CDT1: variants seen among roughly 807,000 people sequenced by gnomAD.
CDT1 encodes the protein DNA replication factor Cdt1.
Under a neutral mutation model 49.3 loss-of-function variants are expected in CDT1, and 66 were observed. That is an observed-to-expected ratio of 1.34 (90% confidence interval 1.10 to 1.64). The LOEUF is 1.64. CDT1 is among the 40% of genes most tolerant of loss of function. The pLI, the probability that CDT1 is intolerant of heterozygous loss-of-function variation, is 0.00. For synonymous variants in CDT1, 424 were observed against 347.4 expected (o/e 1.22, Z -2.45); for missense variants, 958 against 807.7 (o/e 1.19, Z -2.26).
At chr16:88,804,194 C>G in intron 1 of CDT1, 135 bp downstream of exon 1, 1 of 711,178 alleles carries the variant, frequency 1.4e-6, no homozygotes, top group Admixed American at 3.9e-5. Flanking sequence ...GCAGGGAACT[C>G]TGGGACAGGC....
chr16:88,805,423 T>TCCTC lies in CDT1; in HGVS notation c.489-9_489-6dup, dbSNP rs751504138. 6.2e-6 allele frequency: 10 copies of TCCTC among 1,612,064 alleles called. No individual in the cohort carries two copies. The African/African-American group carries it at 1.3e-4, about 21-fold the overall frequency. On this transcript the variant is annotated splice_polypyrimidine_tract_variant and intron_variant, in intron 3 of 9. Transcript: ENST00000301019. Reference sequence around the variant, plus strand: ...AGGGGCCTACTGCTTCTCATGAGGCTCCTCCCTCCCTGACAGTGGCGAGAA... The same window carrying TCCTC: ...AGGGGCCTACTGCTTCTCATGAGGCTCCTCCCTCCCTCCCTGACAGTGGCGAGAA...
Position 88,804,056 on chromosome 16 carries a change from C to A in CDT1, c.225C>A (p.Asp75Glu). ...GCAGGAGACTGCGGCTGTCGGTGGA[C>A]GAGGTGAGGGGCGTGGGGAGACTGA... is the stretch of plus-strand genomic sequence containing the variant. ...PARRRLRLSV[D>E]EVSSPSTPEA... The change falls in exon 1 of 10, where the codon GAC becomes GAA. Residue 75 changes from aspartate to glutamate, a missense_variant. Asp to Glu is a conservative substitution (Grantham distance 45, BLOSUM62 2). Transcript: ENST00000301019. The A allele has an allele frequency of 6.9e-7, 1 of 1,446,608 alleles. No individual in the cohort carries two copies. Among genetic ancestry groups the A allele is most frequent in the Non-Finnish European group, 9.0e-7 (1 of 1,106,434 alleles). 89.6% of individuals were successfully genotyped at this position (1,446,608 alleles called of 1,614,324 possible).
In CDT1 at chr16:88,804,847, A is replaced by G. The variant is rs1232481701; in HGVS notation, c.437A>G (p.Asp146Gly). Residue 146 changes from aspartate (D) to glycine (G), a missense_variant, in exon 3 of 10, where the codon GAT becomes GGT. Physicochemically the swap from Asp to Gly is moderately conservative, Grantham distance 94. Coordinates refer to ENST00000301019, the MANE Select transcript of CDT1 (RefSeq NM_030928.4). ...CGGGCGCTGAAGGCCAGTGCCCAGG[A>G]TGCTGGGGAGTCCTGCACCCCAGAG... ...RVRALKASAQDAGESCTPEAE... is the reference protein window; with the variant it reads ...RVRALKASAQGAGESCTPEAE... 2 of 1,610,588 alleles carry G rather than the reference A, an allele frequency of 1.2e-6. No individual in the cohort carries two copies. The highest frequency in any genetic ancestry group is 2.7e-5 in the African/African-American group (2 of 74,884).
At position 88,804,681 on chromosome 16, in the gene CDT1, C is replaced by T. The variant is rs1367885641; in HGVS notation, c.351+14C>T. Reference sequence around the variant, plus strand: ...GCGCAGGACCAGGTGAGGGGCGGGGCCTGGGGCAGATGCGGGAGGGCTGAG... The same window carrying T: ...GCGCAGGACCAGGTGAGGGGCGGGGTCTGGGGCAGATGCGGGAGGGCTGAG... On this transcript the variant is annotated intron_variant, in intron 2 of 9. Coordinates refer to ENST00000301019, the MANE Select transcript of CDT1 (RefSeq NM_030928.4). The T allele has an allele frequency of 3.1e-6, 5 of 1,612,254 alleles. No homozygotes were observed. The South Asian group carries it at 3.3e-5, about 11-fold the overall frequency.
intron 9 of CDT1, 50 bp downstream of exon 9, chr16:88,807,532 C>T: frequency 6.6e-7 from 1 of 1,523,454 alleles, no homozygotes; most frequent in Middle Eastern, 2.1e-4. Context: ...TTGCCTGGTG[C>T]TGCAGCTGCC....
Position 88,806,072 on chromosome 16 carries a change from G to T in CDT1, c.884G>T (p.Arg295Leu), listed in dbSNP as rs149521649. Residue 295 changes from arginine to leucine, a missense_variant, in exon 6 of 10, where the codon CGG (arginine) becomes CTG (leucine). Arg to Leu is a moderately radical substitution (Grantham distance 102). Transcript: ENST00000301019. Reference protein sequence around the residue: ...QLTASRLLQRRQIFSQKLVEH... With the variant: ...QLTASRLLQRLQIFSQKLVEH... The stretch of plus-strand genomic sequence containing the variant: ...ACGGCCTCGCGCCTCCTGCAGCGAC[G>T]GCAGATCTTCAGCCAGAAGCTGGTG... The T allele has an allele frequency of 2.1e-5, 33 of 1,601,808 alleles. No homozygotes were observed. The highest frequency in any genetic ancestry group is 2.8e-5 in the Non-Finnish European group (33 of 1,177,846).
In CDT1 at chr16:88,808,446, G is replaced by A; in HGVS notation, c.*168G>A. 3 of 752,460 alleles carry A rather than the reference G, an allele frequency of 4.0e-6. No homozygotes were observed. The highest frequency in any genetic ancestry group is 6.3e-6 in the Non-Finnish European group (3 of 476,194). The allele number at this position is 752,460 out of a possible 1,614,324, so 46.6% of individuals were successfully genotyped here. On this transcript the variant is annotated 3_prime_UTR_variant, in exon 10 of 10. Transcript: ENST00000301019. ...CTGCACAGCCCGAGGGTCTCTGGCT[G>A]CGGGCGGTGGGCCCCTTCATGGGGC... is the stretch of plus-strand genomic sequence containing the variant.
At position 88,807,390 on chromosome 16, in the gene CDT1, G is replaced by A. The variant is rs387906917; in HGVS notation, c.1385G>A (p.Arg462Gln). 1.1e-4 allele frequency: 183 copies of A among 1,612,676 alleles called. No individual in the cohort carries two copies. The highest frequency in any genetic ancestry group is 1.4e-4 in the Non-Finnish European group (163 of 1,179,988). ...ERLPELARVLRSVFVSERKPA... is the reference protein window; with the variant it reads ...ERLPELARVLQSVFVSERKPA... ...CTGCCTGAGCTGGCCCGCGTGCTGC[G>A]GAGCGTCTTTGTGTCCGAACGCAAG... is the stretch of plus-strand genomic sequence containing the variant. Residue 462 changes from arginine (R) to glutamine (Q), a missense_variant, in exon 9 of 10, where the codon CGG (arginine) becomes CAG (glutamine). Transcript: ENST00000301019.
In CDT1 at chr16:88,808,392, G is replaced by A; in HGVS notation, c.*114G>A. The A allele has an allele frequency of 8.0e-7, 1 of 1,249,042 alleles. No individual in the cohort carries two copies. The highest frequency in any genetic ancestry group is 1.1e-6 in the Non-Finnish European group (1 of 907,768). 77.4% of individuals were successfully genotyped at this position (1,249,042 alleles called of 1,614,324 possible). On this transcript the variant is annotated 3_prime_UTR_variant, in exon 10 of 10. Transcript: ENST00000301019. ...TGGCCTTCCTTTCCCCAGCGCCCCTGAGGGCCAGAGGCAGATGTGGGCTGC... is the reference window on the plus strand; with the variant it reads ...TGGCCTTCCTTTCCCCAGCGCCCCTAAGGGCCAGAGGCAGATGTGGGCTGC...
chr16:88,804,141 G>C, intron 1 of CDT1, 82 bp downstream of exon 1: 1 of 941,526 alleles, frequency 1.1e-6, no homozygotes, highest in South Asian at 2.5e-5. Context: ...GGGAAACTGA[G>C]GCGGAGGGAC....
At chr16:88,806,394 C>G in intron 6 of CDT1, 92 bp from the exon 7 acceptor site, 2 of 1,462,250 alleles carry the variant, frequency 1.4e-6, no homozygotes, top group South Asian at 1.2e-5. Context: ...CCCGAGGCGG[C>G]CCGGCTGGGA....
In CDT1 at chr16:88,806,079, C is replaced by T. The variant is rs1054298222; in HGVS notation, c.891C>T (p.Ile297=). ...TASRLLQRRQ[I]FSQKLVEHVK... ...CGCGCCTCCTGCAGCGACGGCAGAT[C>T]TTCAGCCAGAAGCTGGTGGAGCATG... Residue 297 remains isoleucine (I), a synonymous_variant, in exon 6 of 10, where the codon ATC becomes ATT. Coordinates refer to ENST00000301019, the MANE Select transcript of CDT1 (RefSeq NM_030928.4). 6.2e-7 allele frequency: 1 copy of T among 1,602,050 alleles called. No individual in the cohort carries two copies. Among genetic ancestry groups the T allele is most frequent in the Non-Finnish European group, 8.5e-7 (1 of 1,177,882 alleles).
In CDT1 at chr16:88,807,480, CTGG is replaced by C; in HGVS notation, c.1477_1477+2del. ...GGCAGCTGTTGTACTATCATGAGCC[CTGG>C]TACGTGCAGGGCGGGGTGAAGGGGC... On this transcript the variant is annotated splice_donor_variant and coding_sequence_variant, in exon 9 of 10. Coordinates refer to ENST00000301019, the MANE Select transcript of CDT1 (RefSeq NM_030928.4). LOFTEE classifies it high-confidence loss of function. 1 of 1,612,860 alleles carries C rather than the reference CTGG, an allele frequency of 6.2e-7. No individual in the cohort carries two copies. Among genetic ancestry groups the C allele is most frequent in the Non-Finnish European group, 8.5e-7 (1 of 1,179,848 alleles).
rs1908932371 is a variant in CDT1, at chr16:88,808,004, C to T, written c.1478-111C>T. ...TGCCCTAAGTCCTGGTGATGGGGCC[C>T]TGAGGGCGACCAGGCAGGCACAGAG... On this transcript the variant is annotated intron_variant, in intron 9 of 9. Coordinates refer to ENST00000301019, the MANE Select transcript of CDT1 (RefSeq NM_030928.4). 4.8e-6 allele frequency: 6 copies of T among 1,261,904 alleles called. No homozygotes were observed. The African/African-American group carries it at 9.0e-5, about 19-fold the overall frequency. 78.2% of individuals were successfully genotyped at this position (1,261,904 alleles called of 1,614,324 possible). A position where few individuals can be genotyped will look rare whatever the true frequency, so the allele number is the denominator to read the frequency against.
chr16:88,807,035 C>A lies in CDT1; in HGVS notation c.1123-16C>A, dbSNP rs202184202. 2 of 1,612,822 alleles carry A rather than the reference C, an allele frequency of 1.2e-6. No homozygotes were observed. The highest frequency in any genetic ancestry group is 8.5e-7 in the Non-Finnish European group (1 of 1,179,930). ...GCATCTTGTGACCTCTCCAGTCCAA[C>A]CTGTCCCTCCCGCAGATGGAGAAGG... is the stretch of plus-strand genomic sequence containing the variant. On this transcript the variant is annotated splice_polypyrimidine_tract_variant and intron_variant, in intron 7 of 9. Coordinates refer to ENST00000301019, the MANE Select transcript of CDT1 (RefSeq NM_030928.4).
chr16:88,805,501 C>G lies in CDT1; in HGVS notation c.550C>G (p.Leu184Val). The G allele has an allele frequency of 6.2e-7, 1 of 1,612,904 alleles. No individual in the cohort carries two copies. The highest frequency in any genetic ancestry group is 8.5e-7 in the Non-Finnish European group (1 of 1,179,966). Residue 184 changes from leucine to valine, a missense_variant, in exon 4 of 10, where the codon CTC (leucine) becomes GTC (valine). Coordinates refer to ENST00000301019, the MANE Select transcript of CDT1 (RefSeq NM_030928.4). ...CCTGGCCCAGCCCGGCCTGCCGGGA[C>G]TCGTGCTGCCCTACAAGTACCAGGT... ...HALAQPGLPG[L>V]VLPYKYQVLA...
rs1597507435 is a variant in CDT1 at position 88,808,570 on chromosome 16, T to C, written c.*292T>C. The C allele has an allele frequency of 6.1e-6, 3 of 488,612 alleles. No homozygotes were observed. Among genetic ancestry groups the C allele is most frequent in the African/African-American group, 3.9e-5 (2 of 51,496 alleles). The allele number at this position is 488,612 out of a possible 1,614,324, so 30.3% of individuals were successfully genotyped here. ...AGATCCAGCACCCCCTGGGGGGCCATCGGGAGTGTGGCTGGGGGTGAAGGG... is the reference window on the plus strand; with the variant it reads ...AGATCCAGCACCCCCTGGGGGGCCACCGGGAGTGTGGCTGGGGGTGAAGGG... On this transcript the variant is annotated 3_prime_UTR_variant, in exon 10 of 10. Coordinates refer to ENST00000301019, the MANE Select transcript of CDT1 (RefSeq NM_030928.4).
At chr16:88,805,035 G>A (rs1043931329) in intron 3 of CDT1, 137 bp downstream of exon 3, 3 of 1,223,916 alleles carry the variant, frequency 2.5e-6, no homozygotes, top group South Asian at 1.6e-5. Context: ...CGCGGACCCA[G>A]ACCCCTGAGA....
At chr16:88,807,611 C>T in intron 9 of CDT1, 129 bp downstream of exon 9, 1 of 949,666 alleles carries the variant, frequency 1.1e-6, no homozygotes, top group Non-Finnish European at 1.6e-6. Context: ...GGGCGCTGGC[C>T]TCTTGCACTG....
Sources: allele counts gnomAD v4.1 joint callset, GRCh38; gene constraint gnomAD v4.1.1; transcripts MANE v1.5; gene names NCBI Gene and HGNC (gene_info 2026-07-23, HGNC 2026-07-21).